Variants in NSD1 observed in about 807,000 individuals in gnomAD.
NSD1 encodes histone-lysine N-methyltransferase, H3 lysine-36 specific.
In NSD1, 26 loss-of-function variants were observed where a neutral mutation model predicts 242.7. The ratio of observed to expected loss-of-function variants is 0.11; its 90% CI spans 0.08 to 0.15. The LOEUF is 0.15. Among genes scored for constraint, NSD1 ranks in the 10% least tolerant of loss-of-function variants. The pLI is 1.00. For missense variants in NSD1, 2,495 were observed against 3,272.8 expected (o/e 0.76, Z 5.80); for synonymous variants, 1,106 against 1,178.1 (o/e 0.94, Z 1.25).
chr5:177,207,623 AG>A (rs951214689), intron 4 of NSD1, among the ~76,000 whole-genome samples: 3 of 31,472 alleles, frequency 9.5e-5, no homozygotes, highest in African/African-American at 6.9e-4. Flanking sequence ...TTTTTTTTTT[AG>A]AGAAGGGGTG....
Position 177,136,003 on chromosome 5 carries a change from A to G in NSD1, c.900A>G (p.Ser300=). Residue 300 remains serine (S), a synonymous_variant, in exon 2 of 23, where the codon TCA becomes TCG. Transcript: ENST00000439151. Reference sequence around the variant, plus strand: ...TGCTAGAATTACCTGGAACTTCATCATCATCTACTTCACAGGAATTGCCAT... The same window carrying G: ...TGCTAGAATTACCTGGAACTTCATCGTCATCTACTTCACAGGAATTGCCAT... ...GNMLELPGTS[S]SSTSQELPFC... is the part of the protein sequence containing the mutation. 1 of 1,614,140 alleles carries G rather than the reference A, an allele frequency of 6.2e-7. No individual in the cohort carries two copies. Among genetic ancestry groups the G allele is most frequent in the Non-Finnish European group, 8.5e-7 (1 of 1,180,022 alleles).
chr5:177,163,230 C>T (rs1758903469), intron 2 of NSD1, among the ~76,000 whole-genome samples: 1 of 151,032 alleles, frequency 6.6e-6, no homozygotes, highest in South Asian at 2.1e-4. Context: ...GCAACGTCCA[C>T]CTACTGGGTT....
chr5:177,258,558 G>T (rs1756725072), intron 13 of NSD1, among the ~76,000 whole-genome samples: 1 of 149,626 alleles, frequency 6.7e-6, no homozygotes, highest in Non-Finnish European at 1.5e-5. Context: ...TTTTTGAGAT[G>T]GAGTTTCACT....
At chr5:177,148,623 C>T (rs1581129352) in intron 2 of NSD1, among the ~76,000 whole-genome samples, 1 of 151,548 alleles carries the variant, frequency 6.6e-6, no homozygotes, top group Non-Finnish European at 1.5e-5. Context: ...CGGGGTTTCA[C>T]CATGTTGGGT....
At chr5:177,261,651 C>A (rs1386156350) in intron 14 of NSD1, among the ~76,000 whole-genome samples, 1 of 152,074 alleles carries the variant, frequency 6.6e-6, no homozygotes, top group Non-Finnish European at 1.5e-5. Context: ...AGAAGGATAT[C>A]TAGTACAAAG....
chr5:177,292,687 C>CT (rs946650641), intron 22 of NSD1, among the ~76,000 whole-genome samples: 1 of 152,134 alleles, frequency 6.6e-6, no homozygotes, highest in African/African-American at 2.4e-5. Flanking sequence ...GCAGAGTAGA[C>CT]TTTTTTCCTC....
intron 2 of NSD1, among the ~76,000 whole-genome samples, chr5:177,174,737 AT>A (rs2149802143): frequency 7.4e-6 from 1 of 136,032 alleles, no homozygotes; most frequent in Admixed American, 7.7e-5. Flanking sequence ...TTTTCTTTGT[AT>A]TTTTGGTAGA....
chr5:177,285,394 T>G (rs1759227266), intron 20 of NSD1, among the ~76,000 whole-genome samples: 1 of 151,656 alleles, frequency 6.6e-6, no homozygotes, highest in Non-Finnish European at 1.5e-5. Context: ...AAACCCCATC[T>G]CTACTGAAAA....
chr5:177,266,581 G>A, intron 14 of NSD1: 1 of 679,568 alleles, frequency 1.5e-6, no homozygotes, highest in Non-Finnish European at 2.2e-6. Flanking sequence ...GACCTCGGCG[G>A]CCGCCATCTT....
At chr5:177,278,438 G>A (rs1156749989) in intron 17 of NSD1, among the ~76,000 whole-genome samples, 1 of 152,146 alleles carries the variant, frequency 6.6e-6, no homozygotes, top group Non-Finnish European at 1.5e-5. Flanking sequence ...ATAGAAAAAT[G>A]GTTTGATGGC....
chr5:177,264,737 A>T, intron 14 of NSD1: 1 of 710,918 alleles, frequency 1.4e-6, no homozygotes, highest in Non-Finnish European at 2.6e-6. Flanking sequence ...CTTTTGGCCG[A>T]AACTGCCATC....
intron 17 of NSD1, among the ~76,000 whole-genome samples, chr5:177,274,355 GAC>G (rs1758183118): frequency 6.6e-6 from 1 of 152,102 alleles, no homozygotes; most frequent in Non-Finnish European, 1.5e-5. Context: ...ATAATTGACA[GAC>G]ATAAAAATAA....
At position 177,296,027 on chromosome 5, in the gene NSD1, G is replaced by C. The variant is rs538957163; in HGVS notation, c.*568G>C. ...CAGGAAGTAACAGGAAGTTCTGAGG[G>C]GCCCTGGGGCTTTAGACTCATTTTG... On this transcript the variant is annotated 3_prime_UTR_variant, in exon 23 of 23. Transcript: ENST00000439151. 1 of 262,582 alleles carries C rather than the reference G, an allele frequency of 3.8e-6. No individual in the cohort carries two copies. Among genetic ancestry groups the C allele is most frequent in the East Asian group, 5.3e-5 (1 of 18,780 alleles). The allele number at this position is 262,582 out of a possible 1,614,324, so 16.3% of individuals were successfully genotyped here.
chr5:177,287,643 GAAAAAGA>G (rs1759442905), intron 20 of NSD1, among the ~76,000 whole-genome samples: 3 of 150,652 alleles, frequency 2.0e-5, no homozygotes, highest in Admixed American at 2.0e-4. Context: ...CTCAAAGAAA[GAAAAAGA>G]AAAAAGAAAA....
intron 8 of NSD1, among the ~76,000 whole-genome samples, chr5:177,242,529 A>ATTTATTTATTTG (rs1765960092): frequency 6.6e-6 from 1 of 150,884 alleles, no homozygotes; most frequent in Non-Finnish European, 1.5e-5. Flanking sequence ...TTATTTATTT[A>ATTTATTTATTTG]TTTATTTATT....
chr5:177,270,070 G>T (rs2149935096), intron 16 of NSD1, among the ~76,000 whole-genome samples: 1 of 152,234 alleles, frequency 6.6e-6, no homozygotes, highest in Middle Eastern at 3.4e-3. Flanking sequence ...AAATAATGGA[G>T]TTCTGAAACT....
At chr5:177,139,344 G>A (rs1320391969) in intron 2 of NSD1, among the ~76,000 whole-genome samples, 1 of 151,482 alleles carries the variant, frequency 6.6e-6, no homozygotes, top group Non-Finnish European at 1.5e-5. Context: ...GGCTCGGGAG[G>A]TTGAGGCAGG....
intron 2 of NSD1, among the ~76,000 whole-genome samples, chr5:177,161,396 C>A (rs780100165): frequency 5.3e-5 from 8 of 151,130 alleles, no homozygotes; most frequent in Non-Finnish European, 1.2e-4. Flanking sequence ...TTCAGTGTGG[C>A]GTGATTAGGC....
In NSD1 at chr5:177,298,206, G is replaced by C. The variant is rs956162489; in HGVS notation, c.*2747G>C. 1.7e-5 allele frequency: 4 copies of C among 233,134 alleles called. No homozygotes were observed. Among genetic ancestry groups the C allele is most frequent in the Non-Finnish European group, 3.4e-5 (4 of 118,052 alleles). The allele number at this position is 233,134 out of a possible 1,614,324, so 14.4% of individuals were successfully genotyped here. ...TGTAATAAGACCCCTTTTCCAAAGGGATGTGAATTGGAGTGAAAAGGAAAT... is the reference window on the plus strand; with the variant it reads ...TGTAATAAGACCCCTTTTCCAAAGGCATGTGAATTGGAGTGAAAAGGAAAT... On this transcript the variant is annotated 3_prime_UTR_variant, in exon 23 of 23. Coordinates refer to ENST00000439151, the MANE Select transcript of NSD1 (RefSeq NM_022455.5).
Sources: gnomAD v4.1 joint callset for allele counts (sites outside exome capture counted in the v4.1 genomes callset) on GRCh38, gnomAD v4.1.1 for gene constraint, MANE v1.5 for transcripts, NCBI Gene and HGNC (gene_info 2026-07-23, HGNC 2026-07-21) for gene names.